The following MAP3K5 variants were observed in gnomAD, a reference collection of about 807,000 sequenced individuals.
MAP3K5 encodes ASK-1.
Under a neutral mutation model 158.7 loss-of-function variants are expected in MAP3K5, and 56 were observed. The observed-to-expected ratio is 0.35, with a 90% CI of 0.28 to 0.44. The LOEUF (loss-of-function observed/expected upper bound fraction) is 0.44, where lower values mean the gene tolerates loss of function less well. Among genes scored for constraint, MAP3K5 ranks in the 20% least tolerant of loss-of-function variants. The pLI, the probability that MAP3K5 is intolerant of heterozygous loss-of-function variation, is 1.00. For missense variants in MAP3K5, 1,294 were observed against 1,674.8 expected, an observed-to-expected ratio of 0.77 and a Z score of 3.97; for synonymous variants, 579 against 601.7, an observed-to-expected ratio of 0.96 and a Z score of 0.55.
intron 1 of MAP3K5, among the ~76,000 whole-genome samples, chr6:136,763,999 C>T: frequency 6.6e-6 from 1 of 152,186 alleles, no homozygotes; most frequent in East Asian, 1.9e-4. Context: ...ACTTCTCCAC[C>T]TCCAGAACAG....
chr6:136,705,980 G>A (rs1280397501), intron 2 of MAP3K5, among the ~76,000 whole-genome samples: 4 of 152,114 alleles, frequency 2.6e-5, no homozygotes, highest in African/African-American at 4.8e-5. Flanking sequence ...ATAAATGGCC[G>A]GGTGCAGTGG....
chr6:136,709,027 A>C (rs1011648987), intron 2 of MAP3K5, among the ~76,000 whole-genome samples: 1 of 152,120 alleles, frequency 6.6e-6, no homozygotes, highest in Non-Finnish European at 1.5e-5. Flanking sequence ...TGACACCCCC[A>C]ACAGAAGTAG....
At chr6:136,786,155 C>T (rs1236694173) in intron 1 of MAP3K5, among the ~76,000 whole-genome samples, 4 of 152,066 alleles carry the variant, frequency 2.6e-5, no homozygotes, top group Non-Finnish European at 4.4e-5. Context: ...AGGCAGATCA[C>T]TCCTGAGGTC....
At chr6:136,563,034 T>G (rs1211311973) in intron 26 of MAP3K5, among the ~76,000 whole-genome samples, 2 of 151,988 alleles carry the variant, frequency 1.3e-5, no homozygotes, top group Non-Finnish European at 2.9e-5. Flanking sequence ...ACCCCTAATT[T>G]TATTGAAATA....
chr6:136,743,766 C>A (rs1782814727), intron 1 of MAP3K5, among the ~76,000 whole-genome samples: 1 of 152,162 alleles, frequency 6.6e-6, no homozygotes, highest in African/African-American at 2.4e-5. Flanking sequence ...TTCATAATTG[C>A]TAAAACTTGG....
chr6:136,751,880 A>G (rs937220163), intron 1 of MAP3K5, among the ~76,000 whole-genome samples: 3 of 152,250 alleles, frequency 2.0e-5, no homozygotes, highest in Non-Finnish European at 2.9e-5. Flanking sequence ...CCCTTGAGAC[A>G]TAGGTGAACT....
At chr6:136,582,995 C>T (rs1031803641) in intron 24 of MAP3K5, among the ~76,000 whole-genome samples, 4 of 152,184 alleles carry the variant, frequency 2.6e-5, no homozygotes, top group African/African-American at 9.7e-5. Context: ...CTCATTAGAT[C>T]ATGTGCTTTA....
intron 25 of MAP3K5, among the ~76,000 whole-genome samples, chr6:136,576,099 T>C (rs750558797): frequency 6.6e-6 from 1 of 152,226 alleles, no homozygotes; most frequent in East Asian, 1.9e-4. Context: ...TTCTCGTCCA[T>C]ATATTTATTT....
At chr6:136,601,611 C>T (rs1026886301) in intron 20 of MAP3K5, among the ~76,000 whole-genome samples, 191 bp downstream of exon 20, 1 of 152,174 alleles carries the variant, frequency 6.6e-6, no homozygotes, top group African/African-American at 2.4e-5. Flanking sequence ...TATGAGGTCC[C>T]AGCACTTGTG....
intron 18 of MAP3K5, among the ~76,000 whole-genome samples, chr6:136,605,917 T>C (rs528226232): frequency 1.1e-4 from 17 of 152,300 alleles, no homozygotes; most frequent in African/African-American, 3.8e-4. Flanking sequence ...TTAATGCAAA[T>C]AAATTTCTGG....
intron 11 of MAP3K5, among the ~76,000 whole-genome samples, chr6:136,645,755 C>A (rs1778223128): frequency 6.6e-6 from 1 of 152,114 alleles, no homozygotes; most frequent in African/African-American, 2.4e-5. Context: ...ATATAATGTG[C>A]TTCAAGTTTT....
intron 2 of MAP3K5, among the ~76,000 whole-genome samples, chr6:136,712,258 T>C (rs1720432485): frequency 6.7e-6 from 1 of 150,286 alleles, no homozygotes; most frequent in Admixed American, 6.7e-5. Flanking sequence ...CTCAGCTCAC[T>C]GCAACCTCAA....
At chr6:136,692,465 T>A (rs138417592) in intron 7 of MAP3K5, among the ~76,000 whole-genome samples, 1 of 152,274 alleles carries the variant, frequency 6.6e-6, no homozygotes, top group East Asian at 1.9e-4. Context: ...CCAGGGAATG[T>A]CTTGAGGGAA....
intron 7 of MAP3K5, among the ~76,000 whole-genome samples, chr6:136,693,581 A>G (rs943558280): frequency 2.0e-5 from 3 of 151,350 alleles, no homozygotes; most frequent in African/African-American, 7.3e-5. Context: ...TTTATTATTT[A>G]TATTACTTAT....
chr6:136,769,832 A>AAGGG (rs1164023376), intron 1 of MAP3K5, among the ~76,000 whole-genome samples: 3 of 20,166 alleles, frequency 1.5e-4, no homozygotes, highest in African/African-American at 4.4e-4. Context: ...GGAGGGAGGG[A>AAGGG]AGGGAGGGAG....
In MAP3K5 at chr6:136,767,498, T is replaced by C. The variant is rs562782409; in HGVS notation, c.448+24212A>G. Among the ~76,000 whole-genome samples the C allele has an allele frequency of 5.3e-5, 8 of 151,994 alleles. No homozygotes were observed. The South Asian group carries it at 1.5e-3, about 28-fold the overall frequency. ...CCCAAAACCCTGAAAACCTGAAAAC[T>C]GCAATCTACAATTCACTGATCAGTT... On this transcript the variant is annotated intron_variant, in intron 1 of 29. Transcript: ENST00000359015.
intron 11 of MAP3K5, among the ~76,000 whole-genome samples, chr6:136,649,034 A>G (rs1464305525): frequency 6.6e-6 from 1 of 152,188 alleles, no homozygotes; most frequent in African/African-American, 2.4e-5. Context: ...CAGTGGCACA[A>G]TTTTGGCTCA....
At chr6:136,679,582 C>T (rs567508061) in intron 7 of MAP3K5, among the ~76,000 whole-genome samples, 3 of 152,290 alleles carry the variant, frequency 2.0e-5, no homozygotes, top group East Asian at 3.9e-4. Flanking sequence ...ATTCAGACTA[C>T]TTATTTGTGT....
intron 2 of MAP3K5, among the ~76,000 whole-genome samples, chr6:136,719,725 G>A (rs1246649199): frequency 6.6e-6 from 1 of 152,182 alleles, no homozygotes; most frequent in East Asian, 1.9e-4. Flanking sequence ...GGAAGACAGA[G>A]CTGAGAAAAA....
Sources: gnomAD v4.1 joint callset for allele counts (sites outside exome capture counted in the v4.1 genomes callset) on GRCh38, gnomAD v4.1.1 for gene constraint, MANE v1.5 for transcripts, NCBI Gene and HGNC (gene_info 2026-07-23, HGNC 2026-07-21) for gene names.